SLC12A2: variants seen among roughly 807,000 people sequenced by gnomAD.
The protein encoded by SLC12A2 is solute carrier family 12 member 2.
In SLC12A2, 67 loss-of-function variants were observed where a neutral mutation model predicts 136.3. The observed-to-expected ratio is 0.49, with a 90% CI of 0.40 to 0.60. The LOEUF (loss-of-function observed/expected upper bound fraction) is 0.60, where lower values mean the gene tolerates loss of function less well. Ranked by LOEUF, SLC12A2 falls within the 20% of genes least tolerant of loss-of-function variation. The pLI, the probability that SLC12A2 is intolerant of heterozygous loss-of-function variation, is 0.00. For missense variants in SLC12A2, 1,322 were observed against 1,534.7 expected (o/e 0.86, Z 2.32); for synonymous variants, 619 against 562.9 (o/e 1.10, Z -1.41).
intron 4 of SLC12A2, among the ~76,000 whole-genome samples, chr5:128,121,543 C>T (rs961417688): frequency 6.6e-6 from 1 of 151,826 alleles, no homozygotes; most frequent in African/African-American, 2.4e-5. Context: ...AGGATGGTCT[C>T]GATCTCCTGA....
intron 10 of SLC12A2, among the ~76,000 whole-genome samples, chr5:128,142,510 T>G (rs896586084): frequency 1.3e-5 from 2 of 152,160 alleles, no homozygotes; most frequent in Non-Finnish European, 2.9e-5. Context: ...TAGGAGGTAA[T>G]GCTTTTATAA....
chr5:128,083,966 G>C lies in SLC12A2; in HGVS notation c.12G>C (p.Arg4=), dbSNP rs1043267371. MEP[R]PTAPSSGAPG... is the part of the protein sequence containing the mutation. ...GGGGTCGGGCAGCTATGGAGCCGCGGCCCACGGCGCCCTCCTCCGGCGCCC... is the reference window on the plus strand; with the variant it reads ...GGGGTCGGGCAGCTATGGAGCCGCGCCCCACGGCGCCCTCCTCCGGCGCCC... The change falls in exon 1 of 27, where the codon CGG becomes CGC. Residue 4 remains arginine (R), a synonymous_variant. Transcript: ENST00000262461. 2 of 1,237,922 alleles carry C rather than the reference G, an allele frequency of 1.6e-6. No homozygotes were observed. Among genetic ancestry groups the C allele is most frequent in the Non-Finnish European group, 2.0e-6 (2 of 990,756 alleles). 76.7% of individuals were successfully genotyped at this position (1,237,922 alleles called of 1,614,324 possible). A position where few individuals can be genotyped will look rare whatever the true frequency, so the allele number is the denominator to read the frequency against.
At chr5:128,171,020 CG>C (rs1446318386) in intron 18 of SLC12A2, 2 of 149,890 alleles carry the variant, frequency 1.3e-5, no homozygotes, top group Non-Finnish European at 2.9e-5. Context: ...TGCTTGAAAC[CG>C]GGAGGCAGAG....
chr5:128,088,117 A>T (rs902173444), intron 1 of SLC12A2, among the ~76,000 whole-genome samples: 4 of 151,740 alleles, frequency 2.6e-5, no homozygotes, highest in Non-Finnish European at 4.4e-5. Flanking sequence ...TAAATTACTT[A>T]GGGAGAGTGG....
In SLC12A2 at chr5:128,188,314, GAGA is replaced by G. The variant is rs1366758966; in HGVS notation, c.*1684_*1686del. ...CTTTTTTTTTTTTTTTTTTTTTTTT[GAGA>G]CGGAGTCTTGCTCTGTTGCCACGCT... On this transcript the variant is annotated 3_prime_UTR_variant, in exon 27 of 27. Coordinates refer to ENST00000262461, the MANE Select transcript of SLC12A2 (RefSeq NM_001046.3). 3 of 27,394 alleles carry G rather than the reference GAGA, an allele frequency of 1.1e-4. No homozygotes were observed. The highest frequency in any genetic ancestry group is 2.1e-4 in the Non-Finnish European group (3 of 14,474). The allele number at this position is 27,394 out of a possible 1,614,324, so 1.7% of individuals were successfully genotyped here.
intron 18 of SLC12A2, chr5:128,168,904 G>GTA (rs1763285394): frequency 6.6e-6 from 1 of 152,122 alleles, no homozygotes. Flanking sequence ...GGGACCCTTG[G>GTA]TATAGTGCGT....
chr5:128,090,425 A>C (rs1214244795), intron 1 of SLC12A2, among the ~76,000 whole-genome samples: 1 of 152,142 alleles, frequency 6.6e-6, no homozygotes, highest in Non-Finnish European at 1.5e-5. Context: ...TATATGTTAC[A>C]TATATATATT....
At chr5:128,099,416 G>A (rs1041624399) in intron 1 of SLC12A2, among the ~76,000 whole-genome samples, 4 of 152,144 alleles carry the variant, frequency 2.6e-5, no homozygotes, top group Admixed American at 1.3e-4. Flanking sequence ...TACTCTGAGT[G>A]AATGTAAAGG....
chr5:128,126,966 A>ATATAATTTTTT lies in SLC12A2; in HGVS notation c.1049-4100_1049-4099insATAATTTTTTT. Among the ~76,000 whole-genome samples, 27 of 21,160 alleles carry ATATAATTTTTT rather than the reference A, an allele frequency of 1.3e-3. 4 individuals carry two copies. The highest frequency in any genetic ancestry group is 6.5e-3 in the African/African-American group (26 of 4,030). The allele number at this position is 21,160 out of a possible 152,430, so 13.9% of individuals were successfully genotyped here. On this transcript the variant is annotated intron_variant, in intron 4 of 26. Coordinates refer to ENST00000262461, the MANE Select transcript of SLC12A2 (RefSeq NM_001046.3). ...CATATATATATATATATATATATAT[A>ATATAATTTTTT]TTTTTTTTTTTTTTTTTTTTTGCAT...
intron 22 of SLC12A2, among the ~76,000 whole-genome samples, 185 bp downstream of exon 22, chr5:128,178,874 C>G (rs191251037): frequency 7.2e-5 from 11 of 152,060 alleles, no homozygotes; most frequent in African/African-American, 2.4e-4. Context: ...ATCCCTAATG[C>G]GGAGGTTGTT....
chr5:128,126,967 T>TATATATATATATATATAA (rs1491322749), intron 4 of SLC12A2, among the ~76,000 whole-genome samples: 7 of 29,652 alleles, frequency 2.4e-4, no homozygotes, highest in East Asian at 8.2e-4. Context: ...TATATATATA[T>TATATATATATATATATAA]TTTTTTTTTT....
intron 1 of SLC12A2, chr5:128,111,085 A>G (rs760518582): frequency 2.6e-5 from 14 of 534,226 alleles, no homozygotes; most frequent in African/African-American, 9.6e-5. Context: ...CATGGACAAT[A>G]TAAAATCTGT....
At chr5:128,089,971 G>C (rs1482424140) in intron 1 of SLC12A2, among the ~76,000 whole-genome samples, 1 of 152,162 alleles carries the variant, frequency 6.6e-6, no homozygotes, top group Non-Finnish European at 1.5e-5. Flanking sequence ...CCAGAACTGG[G>C]TAAAGGTGGG....
In SLC12A2 at chr5:128,126,966, A is replaced by ATTTTTTTTTTT. The variant is rs1554105175; in HGVS notation, c.1049-4090_1049-4080dup. Among the ~76,000 whole-genome samples the ATTTTTTTTTTT allele has an allele frequency of 3.3e-4, 7 of 21,160 alleles. 1 individual carries two copies. Among genetic ancestry groups the ATTTTTTTTTTT allele is most frequent in the Admixed American group, 2.6e-3 (3 of 1,150 alleles). The allele number at this position is 21,160 out of a possible 152,430, so 13.9% of individuals were successfully genotyped here. A position where few individuals can be genotyped will look rare whatever the true frequency, so the allele number is the denominator to read the frequency against. The stretch of plus-strand genomic sequence containing the variant: ...CATATATATATATATATATATATAT[A>ATTTTTTTTTTT]TTTTTTTTTTTTTTTTTTTTTGCAT... On this transcript the variant is annotated intron_variant, in intron 4 of 26. Transcript: ENST00000262461.
chr5:128,154,069 A>AAAC (rs911764402), intron 15 of SLC12A2, among the ~76,000 whole-genome samples: 2 of 73,986 alleles, frequency 2.7e-5, no homozygotes, highest in African/African-American at 1.5e-4. Flanking sequence ...AAAAAAAAAC[A>AAAC]AAAAAAAAAA....
At chr5:128,124,968 G>C (rs1014319853) in intron 4 of SLC12A2, among the ~76,000 whole-genome samples, 2 of 152,166 alleles carry the variant, frequency 1.3e-5, no homozygotes, top group Admixed American at 1.3e-4. Context: ...TTTCTCACCT[G>C]ATCAGTAAAT....
intron 1 of SLC12A2, among the ~76,000 whole-genome samples, chr5:128,094,807 CG>C (rs1760463445): frequency 6.6e-6 from 1 of 151,988 alleles, no homozygotes; most frequent in Non-Finnish European, 1.5e-5. Flanking sequence ...TCCAGTAACT[CG>C]TAACTTGTGG....
At position 128,182,968 on chromosome 5, in the gene SLC12A2, C is replaced by G. The variant is rs747217549; in HGVS notation, c.3299+27C>G. The G allele has an allele frequency of 2.1e-6, 3 of 1,423,186 alleles. No homozygotes were observed. In the South Asian group the frequency reaches 3.7e-5, roughly 17 times the overall value. 88.2% of individuals were successfully genotyped at this position (1,423,186 alleles called of 1,614,324 possible). A position where few individuals can be genotyped will look rare whatever the true frequency, so the allele number is the denominator to read the frequency against. ...TAAGTTACTCTACAAATTTCTGATC[C>G]CTTTATAGATGGCCTACTCAGACAC... On this transcript the variant is annotated intron_variant, in intron 24 of 26. Coordinates refer to ENST00000262461, the MANE Select transcript of SLC12A2 (RefSeq NM_001046.3).
At position 128,161,872 on chromosome 5, in the gene SLC12A2, A is replaced by G. The variant is rs187473316; in HGVS notation, c.2616+72A>G. On this transcript the variant is annotated intron_variant, in intron 17 of 26. Transcript: ENST00000262461. Reference sequence around the variant, plus strand: ...AAGCTTTTTAAAACTTTTTAATTCTAGATTTCATTCTTCATACTAATAAAA... The same window carrying G: ...AAGCTTTTTAAAACTTTTTAATTCTGGATTTCATTCTTCATACTAATAAAA... The G allele has an allele frequency of 8.1e-3, 8,541 of 1,057,184 alleles. 88 individuals carry two copies. Among genetic ancestry groups the G allele is most frequent in the South Asian group, 0.054 (1,393 of 25,888 alleles). 65.5% of individuals were successfully genotyped at this position (1,057,184 alleles called of 1,614,324 possible). A position where few individuals can be genotyped will look rare whatever the true frequency, so the allele number is the denominator to read the frequency against.
Sources: allele counts gnomAD v4.1 joint callset (sites outside exome capture counted in the v4.1 genomes callset), GRCh38; gene constraint gnomAD v4.1.1; transcripts MANE v1.5; gene names NCBI Gene and HGNC (gene_info 2026-07-23, HGNC 2026-07-21).